The following PTBP3 variants were observed in gnomAD, a reference collection of about 807,000 sequenced individuals.
The protein encoded by PTBP3 is polypyrimidine tract binding protein 3, also known as polypyrimidine tract-binding protein 3.
PTBP3 carries 20 observed loss-of-function variants against 58.7 expected under a neutral mutation model. The ratio of observed to expected loss-of-function variants is 0.34; its 90% CI spans 0.24 to 0.50. PTBP3 has a LOEUF of 0.50. PTBP3 is among the 20% of genes least tolerant of loss of function. PTBP3 has a pLI of 0.98. For missense variants in PTBP3, 509 were observed against 637.2 expected, an observed-to-expected ratio of 0.80 and a Z score of 2.17; for synonymous variants, 185 against 219.8, an observed-to-expected ratio of 0.84 and a Z score of 1.40.
rs898262969 is a variant in PTBP3, at chr9:112,222,632, T to C, written c.*1219A>G. 6.1e-6 allele frequency: 6 copies of C among 985,750 alleles called. No homozygotes were observed. Among genetic ancestry groups the C allele is most frequent in the Non-Finnish European group, 7.2e-6 (6 of 829,888 alleles). 61.1% of individuals were successfully genotyped at this position (985,750 alleles called of 1,614,324 possible). ...TCTGCACCAAGCACCAAAAATTTGA[T>C]AAAAACTATTACTTATTGAAAACCA... On this transcript the variant is annotated 3_prime_UTR_variant, in exon 14 of 14. Coordinates refer to ENST00000374257, the MANE Select transcript of PTBP3 (RefSeq NM_001163788.4).
chr9:112,379,723 C>G, the PTBP3 span, among the ~76,000 whole-genome samples: 47 of 152,334 alleles, frequency 3.1e-4, no homozygotes, highest in African/African-American at 1.1e-3. Context: ...TCTCGGAGGG[C>G]CCAAGCTCAG....
chr9:112,333,600 G>T lies in PTBP3; in HGVS notation c.-182C>A. The T allele has an allele frequency of 1.6e-6, 2 of 1,214,542 alleles. No individual in the cohort carries two copies. The highest frequency in any genetic ancestry group is 2.3e-6 in the Non-Finnish European group (2 of 853,844). 75.2% of individuals were successfully genotyped at this position (1,214,542 alleles called of 1,614,324 possible). A position where few individuals can be genotyped will look rare whatever the true frequency, so the allele number is the denominator to read the frequency against. On this transcript the variant is annotated 5_prime_UTR_variant, in exon 1 of 14. Coordinates refer to ENST00000374257, the MANE Select transcript of PTBP3 (RefSeq NM_001163788.4). ...CTTTGGCTCTGCGGAGCCCCGGCCG[G>T]TCCGAGGTGGAAGGAGAGTGGGAAC...
At chr9:112,237,136 C>G (rs1316351636) in intron 7 of PTBP3, among the ~76,000 whole-genome samples, 1 of 152,150 alleles carries the variant, frequency 6.6e-6, no homozygotes, top group East Asian at 1.9e-4. Flanking sequence ...GACTGGCAAA[C>G]AATCATCAAG....
chr9:112,289,660 T>C (rs887869547), intron 2 of PTBP3, among the ~76,000 whole-genome samples: 13 of 152,110 alleles, frequency 8.5e-5, no homozygotes, highest in Non-Finnish European at 1.3e-4. Flanking sequence ...CATGTGCCCA[T>C]GGTCCCAGCT....
intron 2 of PTBP3, among the ~76,000 whole-genome samples, chr9:112,280,336 T>C (rs1295451623): frequency 6.6e-6 from 1 of 151,060 alleles, no homozygotes; most frequent in African/African-American, 2.4e-5. Flanking sequence ...ATTACAGGCA[T>C]GAGCCACCGT....
chr9:112,328,425 G>A (rs574852307), intron 1 of PTBP3, among the ~76,000 whole-genome samples: 6 of 152,346 alleles, frequency 3.9e-5, no homozygotes, highest in Admixed American at 2.6e-4. Flanking sequence ...TCTCTTCAGA[G>A]TAGGATCTGA....
intron 5 of PTBP3, among the ~76,000 whole-genome samples, chr9:112,255,664 G>A (rs946966748): frequency 3.9e-5 from 6 of 151,972 alleles, no homozygotes; most frequent in Non-Finnish European, 8.8e-5. Context: ...TAACACTCTT[G>A]CCCTGGTTTA....
the PTBP3 span, among the ~76,000 whole-genome samples, chr9:112,352,887 T>C: frequency 6.2e-3 from 947 of 152,208 alleles, 11 homozygotes; most frequent in African/African-American, 0.022. Flanking sequence ...TAAGTACCAA[T>C]TAATGACTTT....
At chr9:112,336,841 A>G (rs997367512), upstream of PTBP3, among the ~76,000 whole-genome samples, 4 of 152,226 alleles carry the variant, frequency 2.6e-5, no homozygotes, top group African/African-American at 9.6e-5. Context: ...AATTCCGAGA[A>G]GTCTGCAATG....
the PTBP3 span, among the ~76,000 whole-genome samples, chr9:112,339,888 A>G: frequency 1.3e-5 from 2 of 152,170 alleles, no homozygotes; most frequent in Admixed American, 1.3e-4. Flanking sequence ...TTTTTAAATG[A>G]TATAAATTTC....
At chr9:112,301,539 T>C (rs1190592222) in intron 1 of PTBP3, among the ~76,000 whole-genome samples, 3 of 152,146 alleles carry the variant, frequency 2.0e-5, no homozygotes, top group African/African-American at 7.2e-5. Context: ...CCTACAGTAT[T>C]CTCAAAATGA....
At chr9:112,314,920 C>T (rs1307303516) in intron 1 of PTBP3, among the ~76,000 whole-genome samples, 1 of 151,940 alleles carries the variant, frequency 6.6e-6, no homozygotes, top group East Asian at 1.9e-4. Flanking sequence ...CAAGCTCCGC[C>T]TCCCGGGTTT....
chr9:112,307,897 T>C (rs1282104981), intron 1 of PTBP3, among the ~76,000 whole-genome samples: 1 of 152,244 alleles, frequency 6.6e-6, no homozygotes, highest in Non-Finnish European at 1.5e-5. Context: ...TGGCTTTGAG[T>C]GCCGCCCAAC....
At position 112,285,299 on chromosome 9, in the gene PTBP3, C is replaced by T. The variant is rs150624977; in HGVS notation, c.35-9286G>A. 2.6e-3 allele frequency among the ~76,000 whole-genome samples: 393 copies of T among 152,320 alleles called. 1 individual carries two copies. The highest frequency in any genetic ancestry group is 8.9e-3 in the African/African-American group (371 of 41,568). The stretch of plus-strand genomic sequence containing the variant: ...CCATGTAATAAGACTTTGCCTGCTT[C>T]CCCTTCTGCCATGATTGTAAGTTTC... On this transcript the variant is annotated intron_variant, in intron 2 of 13. Transcript: ENST00000374257.
rs1589787843 is a variant in PTBP3 at position 112,221,805 on chromosome 9, T to C, written c.*2046A>G. On this transcript the variant is annotated 3_prime_UTR_variant, in exon 14 of 14. Transcript: ENST00000374257. ...AATTCTGCTTTTTAAACAATCTGTA[T>C]CATCTCTTGCAGTCTCTATTTTTTG... 4 of 985,216 alleles carry C rather than the reference T, an allele frequency of 4.1e-6. No individual in the cohort carries two copies. In the South Asian group the frequency reaches 1.4e-4, roughly 35 times the overall value. 61.0% of individuals were successfully genotyped at this position (985,216 alleles called of 1,614,324 possible).
rs1198282524 is a variant in PTBP3, at chr9:112,275,976, T to C, written c.72A>G (p.Arg24=). 1.2e-6 allele frequency: 2 copies of C among 1,613,220 alleles called. No homozygotes were observed. Among genetic ancestry groups the C allele is most frequent in the South Asian group, 2.2e-5 (2 of 90,994 alleles). The part of the protein sequence containing the change: ...GNDSKKFKRD[R]PPCSPSRVLH... Reference sequence around the variant, plus strand: ...GAACACGGGAAGGCGAACAGGGAGGTCTATCTCGTTTAAATTTCTTGCTGT... The same window carrying C: ...GAACACGGGAAGGCGAACAGGGAGGCCTATCTCGTTTAAATTTCTTGCTGT... Residue 24 remains arginine (R), a synonymous_variant, in exon 3 of 14, where the codon AGA becomes AGG. Transcript: ENST00000374257.
chr9:112,287,390 A>G (rs1589869126), intron 2 of PTBP3, among the ~76,000 whole-genome samples: 1 of 116,684 alleles, frequency 8.6e-6, no homozygotes, highest in Non-Finnish European at 1.6e-5. Flanking sequence ...CCCAGGCTGG[A>G]GTGAAGTGGT....
intron 1 of PTBP3, among the ~76,000 whole-genome samples, chr9:112,307,642 T>C (rs1368379174): frequency 6.6e-6 from 1 of 152,232 alleles, no homozygotes; most frequent in South Asian, 2.1e-4. Flanking sequence ...AAACTTACAT[T>C]TGAAAATTAG....
At chr9:112,313,538 G>C (rs1248091268) in intron 1 of PTBP3, among the ~76,000 whole-genome samples, 1 of 152,208 alleles carries the variant, frequency 6.6e-6, no homozygotes, top group Non-Finnish European at 1.5e-5. Context: ...ACATGGCTTA[G>C]CTAGGTCCTC....
Sources: allele counts gnomAD v4.1 joint callset (sites outside exome capture counted in the v4.1 genomes callset), GRCh38; gene constraint gnomAD v4.1.1; transcripts MANE v1.5; gene names NCBI Gene and HGNC (gene_info 2026-07-23, HGNC 2026-07-21).